The following ARID1B variants were observed in gnomAD, a reference collection of about 807,000 sequenced individuals.
ARID1B encodes AT-rich interactive domain-containing protein 1B.
Under a neutral mutation model 212.3 loss-of-function variants are expected in ARID1B, and 30 were observed. That is an observed-to-expected ratio of 0.14 (90% CI 0.11 to 0.19). The LOEUF (loss-of-function observed/expected upper bound fraction) is 0.19. ARID1B is among the 10% of genes least tolerant of loss of function. The probability of loss-of-function intolerance (pLI) is 1.00; values close to 1 mark genes in which losing one functional copy is unlikely to be tolerated. For missense variants in ARID1B, 2,891 were observed against 3,204.0 expected, an observed-to-expected ratio of 0.90 and a Z score of 2.36; for synonymous variants, 1,402 against 1,301.7, an observed-to-expected ratio of 1.08 and a Z score of -1.66.
chr6:157,207,026 A>G lies in ARID1B; in HGVS notation c.6254A>G (p.Asp2085Gly), dbSNP rs757294414. 5.0e-6 allele frequency: 8 copies of G among 1,614,114 alleles called. No homozygotes were observed. In the South Asian group the frequency reaches 6.6e-5, roughly 13 times the overall value. ...VRSLSFVPGN[D>G]AEMSKHPGLV... Reference sequence around the variant, plus strand: ...AGCTTGTCATTCGTGCCTGGCAATGATGCCGAAATGTCCAAACATCCAGGC... The same window carrying G: ...AGCTTGTCATTCGTGCCTGGCAATGGTGCCGAAATGTCCAAACATCCAGGC... The change falls in exon 20 of 20, where the codon GAT becomes GGT. Residue 2085 changes from aspartate (D) to glycine (G), a missense_variant. Asp to Gly is a moderately conservative substitution (Grantham distance 94). Transcript: ENST00000636930. The surrounding 1 kb of genome is among the most constrained non-coding windows in gnomAD (Gnocchi z 8.5).
At position 156,778,968 on chromosome 6, in the gene ARID1B, G is replaced by A; in HGVS notation, c.1288G>A (p.Ala430Thr). The stretch of plus-strand genomic sequence containing the variant: ...TGTGGCGGCGGCGGCCGCGGCGGCG[G>A]CGGCAGCAGCAGGAGGCGGCGGCGG... ...GAVAAAAAAAAAAAGGGGGGG... is the reference protein window; with the variant it reads ...GAVAAAAAAATAAAGGGGGGG... Residue 430 changes from alanine (A) to threonine (T), a missense_variant, in exon 1 of 20, where the codon GCG becomes ACG. By Grantham distance (58) the Ala-to-Thr change is moderately conservative (BLOSUM62 0). Around this residue, in one of 7 missense-constraint regions of ARID1B, gnomAD observed 1,643 missense variants for 1,544.0 expected, o/e 1.06. Transcript: ENST00000636930. 1 of 1,285,570 alleles carries A rather than the reference G, an allele frequency of 7.8e-7. No homozygotes were observed. Among genetic ancestry groups the A allele is most frequent in the Non-Finnish European group, 9.7e-7 (1 of 1,026,468 alleles). 79.6% of individuals were successfully genotyped at this position (1,285,570 alleles called of 1,614,324 possible). A position where few individuals can be genotyped will look rare whatever the true frequency, so the allele number is the denominator to read the frequency against.
In ARID1B at chr6:156,931,139, G is replaced by A. The variant is rs529776862; in HGVS notation, c.2137-4327G>A. Among the ~76,000 whole-genome samples the A allele has an allele frequency of 4.9e-5, 7 of 142,708 alleles. No individual in the cohort carries two copies. The South Asian group carries it at 1.1e-3, about 23-fold the overall frequency. 93.6% of individuals were successfully genotyped at this position (142,708 alleles called of 152,430 possible). On this transcript the variant is annotated intron_variant, in intron 3 of 19. Coordinates refer to ENST00000636930, the MANE Select transcript of ARID1B (RefSeq NM_001374828.1). ...CGGGAGGCAGTGCTTGCAGGGAGCC[G>A]AGATTGCGCCCACTGCACTACAGCC...
At chr6:157,059,263 T>C (rs945944777) in intron 4 of ARID1B, among the ~76,000 whole-genome samples, 1 of 152,188 alleles carries the variant, frequency 6.6e-6, no homozygotes, top group Non-Finnish European at 1.5e-5. Context: ...CAGTTTGTTA[T>C]ATAATAGAGT....
chr6:156,778,531 A>G lies in ARID1B; in HGVS notation c.851A>G (p.Glu284Gly), dbSNP rs1778859893. ...KMGEPAGGRY[E>G]HPGLGALGTQ... ...GGGGAGCCGGCGGGCGGCCGCTACG[A>G]GCACCCGGGCTTGGGCGCCCTGGGC... Residue 284 changes from glutamate (E) to glycine (G), a missense_variant, in exon 1 of 20, where the codon GAG becomes GGG. Transcript: ENST00000636930. 8.1e-7 allele frequency: 1 copy of G among 1,231,322 alleles called. No homozygotes were observed. The highest frequency in any genetic ancestry group is 3.7e-5 in the South Asian group (1 of 26,774). The allele number at this position is 1,231,322 out of a possible 1,614,324, so 76.3% of individuals were successfully genotyped here.
intron 1 of ARID1B, 195 bp downstream of exon 1, chr6:156,779,666 C>T (rs1490098088): frequency 2.8e-6 from 1 of 355,634 alleles, no homozygotes; most frequent in East Asian, 1.1e-4. Context: ...GCTGTCCAGG[C>T]CTGGGAGGGC....
At chr6:157,173,795 G>A in intron 9 of ARID1B, 1 of 476,522 alleles carries the variant, frequency 2.1e-6, no homozygotes, top group Non-Finnish European at 3.7e-6. Context: ...CAGAATGACT[G>A]CCCTTTTTTT....
intron 5 of ARID1B, among the ~76,000 whole-genome samples, chr6:157,096,376 T>A (rs1433198752): frequency 6.6e-6 from 1 of 152,230 alleles, no homozygotes; most frequent in Admixed American, 6.5e-5. Flanking sequence ...TGGTGACTTA[T>A]AACCTTTCTC....
chr6:157,017,964 A>C (rs1308447994), intron 4 of ARID1B, among the ~76,000 whole-genome samples: 2 of 36,612 alleles, frequency 5.5e-5, no homozygotes, highest in Non-Finnish European at 5.7e-5. Context: ...CCATCTCTAC[A>C]AAAAAAAAAA....
intron 4 of ARID1B, chr6:156,938,391 G>T (rs1792425482): frequency 6.6e-6 from 1 of 152,118 alleles, no homozygotes; most frequent in Admixed American, 6.5e-5. Flanking sequence ...TTTGCTGTTG[G>T]ATCCTTTGTA....
At chr6:157,127,596 C>G (rs143812776) in intron 6 of ARID1B, among the ~76,000 whole-genome samples, 3,090 of 151,498 alleles carry the variant, frequency 0.02, 91 homozygotes, top group African/African-American at 0.07. Flanking sequence ...ATGGTGAAAC[C>G]CGGTCTCTAC....
At chr6:157,128,652 C>G (rs1254909132) in intron 6 of ARID1B, among the ~76,000 whole-genome samples, 1 of 152,146 alleles carries the variant, frequency 6.6e-6, no homozygotes. Flanking sequence ...AGCCATGCAG[C>G]AATTCATCTG....
chr6:157,012,681 C>T (rs1301120409), intron 4 of ARID1B, among the ~76,000 whole-genome samples: 2 of 152,206 alleles, frequency 1.3e-5, no homozygotes, highest in African/African-American at 4.8e-5. Context: ...TGACCTTAGA[C>T]AGTCATTTAT....
intron 3 of ARID1B, among the ~76,000 whole-genome samples, chr6:156,927,676 C>G (rs941917805): frequency 4.6e-5 from 7 of 152,214 alleles, no homozygotes; most frequent in African/African-American, 9.6e-5. Context: ...TAGCTGCTAA[C>G]ATGATAAATA....
chr6:157,039,775 ACCTTCCTT>A (rs1374936601), intron 4 of ARID1B, among the ~76,000 whole-genome samples: 1 of 77,248 alleles, frequency 1.3e-5, no homozygotes, highest in African/African-American at 5.3e-5. Context: ...CTACCTACCT[ACCTTCCTT>A]CCTTCCTTCC....
rs144252627 is a variant in ARID1B, at chr6:156,977,091, CAAA to C, written c.2247+41530_2247+41532del. 7.1e-3 allele frequency: 1,053 copies of C among 148,838 alleles called. 2 individuals carry two copies. Among genetic ancestry groups the C allele is most frequent in the South Asian group, 0.012 (97 of 7,842 alleles). The allele number at this position is 148,838 out of a possible 1,614,324, so 9.2% of individuals were successfully genotyped here. A position where few individuals can be genotyped will look rare whatever the true frequency, so the allele number is the denominator to read the frequency against. On this transcript the variant is annotated intron_variant, in intron 4 of 19. Transcript: ENST00000636930. ...TTTCTAGGGATGTAATACATATTTA[CAAA>C]AAAAAAAAAAAAAAGATTTTTCTCT...
intron 4 of ARID1B, among the ~76,000 whole-genome samples, chr6:157,060,113 G>A (rs1783244730): frequency 6.6e-6 from 1 of 152,146 alleles, no homozygotes; most frequent in Non-Finnish European, 1.5e-5. Flanking sequence ...TAGTGAAACA[G>A]GAACTTTACT....
At chr6:157,031,266 C>T (rs934410298) in intron 4 of ARID1B, among the ~76,000 whole-genome samples, 16 of 152,038 alleles carry the variant, frequency 1.1e-4, no homozygotes, top group African/African-American at 3.9e-4. Flanking sequence ...GTCTACTTTT[C>T]CTTAATGTAG....
intron 4 of ARID1B, among the ~76,000 whole-genome samples, chr6:156,974,832 G>A (rs1186894135): frequency 1.3e-5 from 2 of 152,160 alleles, no homozygotes; most frequent in Non-Finnish European, 2.9e-5. Context: ...AGCACACACT[G>A]TCTCTCCCTT....
intron 3 of ARID1B, among the ~76,000 whole-genome samples, chr6:156,918,415 CA>C (rs1314163632): frequency 6.6e-6 from 1 of 151,712 alleles, no homozygotes; most frequent in Non-Finnish European, 1.5e-5. Context: ...ATTATAAGAG[CA>C]AAAAAACAAG....
Sources: gnomAD v4.1 joint callset for allele counts (sites outside exome capture counted in the v4.1 genomes callset) on GRCh38, gnomAD v4.1.1 for gene constraint, gnomAD v4.1.1 regional missense constraint, Gnocchi (gnomAD v3.1) non-coding constraint, MANE v1.5 for transcripts, NCBI Gene and HGNC (gene_info 2026-07-23, HGNC 2026-07-21) for gene names.